Variants in KCNH8 observed in about 807,000 individuals in gnomAD.
KCNH8 encodes the protein voltage-gated delayed rectifier potassium channel KCNH8.
A neutral mutation model predicts 103.6 loss-of-function variants in KCNH8; 70 were observed. The observed-to-expected ratio is 0.68, with a 90% CI of 0.56 to 0.82. KCNH8 has a LOEUF of 0.82. Among genes scored for constraint, KCNH8 ranks in the 40% least tolerant of loss-of-function variants. The pLI is 0.00. For missense variants in KCNH8, 1,217 were observed against 1,329.9 expected (o/e 0.92, Z 1.32); for synonymous variants, 498 against 489.4 (o/e 1.02, Z -0.23).
At chr3:19,411,524 C>T (rs1198975831) in intron 7 of KCNH8, among the ~76,000 whole-genome samples, 4 of 151,764 alleles carry the variant, frequency 2.6e-5, no homozygotes, top group Non-Finnish European at 5.9e-5. Flanking sequence ...AGCAATCAGT[C>T]GAGAGAAAGA....
rs1246863745 is a variant in KCNH8 at position 19,253,849 on chromosome 3, CAG to C, written c.274_275del (p.Glu92IlefsTer27). On this transcript the variant is annotated frameshift_variant, in exon 2 of 16. Coordinates refer to ENST00000328405, the MANE Select transcript of KCNH8 (RefSeq NM_144633.3). LOFTEE classifies it high-confidence loss of function. ...ATAGAAAAGTCACTGGAGGAGAAAA[CAG>C]AATTCAAAGGAGAAATTATGTTCTA... 1 of 1,613,456 alleles carries C rather than the reference CAG, an allele frequency of 6.2e-7. No homozygotes were observed. Among genetic ancestry groups the C allele is most frequent in the Non-Finnish European group, 8.5e-7 (1 of 1,179,718 alleles).
chr3:19,323,511 G>A (rs536357034), intron 3 of KCNH8, among the ~76,000 whole-genome samples: 1 of 152,288 alleles, frequency 6.6e-6, no homozygotes, highest in East Asian at 1.9e-4. Context: ...TGGCAATTCA[G>A]AGGTTTTGTC....
intron 7 of KCNH8, among the ~76,000 whole-genome samples, chr3:19,402,951 T>C (rs1241401438): frequency 6.6e-6 from 1 of 151,916 alleles, no homozygotes; most frequent in Non-Finnish European, 1.5e-5. Context: ...AATAAAGTTA[T>C]AGGAAACCAA....
intron 1 of KCNH8, among the ~76,000 whole-genome samples, chr3:19,157,144 G>T (rs1249349093): frequency 6.6e-6 from 1 of 151,984 alleles, no homozygotes; most frequent in African/African-American, 2.4e-5. Context: ...CTGGAAAAAA[G>T]GATCCACATA....
chr3:19,449,788 C>G (rs892269868), intron 8 of KCNH8, among the ~76,000 whole-genome samples: 19 of 151,924 alleles, frequency 1.3e-4, no homozygotes, highest in Admixed American at 1.2e-3. Context: ...AAATTGAGTT[C>G]AAATAAAAGT....
chr3:19,170,623 T>C lies in KCNH8; in HGVS notation c.76+21828T>C, dbSNP rs577522607. 7.3e-3 allele frequency among the ~76,000 whole-genome samples: 1,012 copies of C among 139,280 alleles called. 15 individuals are homozygous for C. The highest frequency in any genetic ancestry group is 0.026 in the African/African-American group (875 of 34,182). 91.4% of individuals were successfully genotyped at this position (139,280 alleles called of 152,430 possible). A position where few individuals can be genotyped will look rare whatever the true frequency, so the allele number is the denominator to read the frequency against. On this transcript the variant is annotated intron_variant, in intron 1 of 15. Transcript: ENST00000328405. ...ATATATATATATGTATACACACACATATATATATACACACATATATATACA... is the reference window on the plus strand; with the variant it reads ...ATATATATATATGTATACACACACACATATATATACACACATATATATACA...
chr3:19,236,772 A>AC (rs1430392099), intron 1 of KCNH8, among the ~76,000 whole-genome samples: 1 of 152,224 alleles, frequency 6.6e-6, no homozygotes, highest in Non-Finnish European at 1.5e-5. Context: ...GGAAAAAAAA[A>AC]GCCAAAGGAG....
intron 1 of KCNH8, among the ~76,000 whole-genome samples, chr3:19,221,707 T>A (rs2063876394): frequency 6.6e-6 from 1 of 152,200 alleles, no homozygotes; most frequent in African/African-American, 2.4e-5. Context: ...TATGAAAATG[T>A]CATATAAAGT....
intron 7 of KCNH8, among the ~76,000 whole-genome samples, chr3:19,412,882 G>T (rs1447182853): frequency 1.3e-5 from 2 of 151,936 alleles, no homozygotes; most frequent in African/African-American, 2.4e-5. Flanking sequence ...AATAGGTGTT[G>T]GTGAGGCTGT....
At chr3:19,310,880 G>C (rs1226901543) in intron 3 of KCNH8, among the ~76,000 whole-genome samples, 1 of 151,808 alleles carries the variant, frequency 6.6e-6, no homozygotes, top group East Asian at 1.9e-4. Flanking sequence ...CACAGCCTGG[G>C]AGAATTATCC....
chr3:19,209,505 T>A (rs1189040986), intron 1 of KCNH8, among the ~76,000 whole-genome samples: 1 of 152,070 alleles, frequency 6.6e-6, no homozygotes, highest in East Asian at 1.9e-4. Flanking sequence ...TCTTTGGGAT[T>A]TTCGTAGGGT....
intron 15 of KCNH8, among the ~76,000 whole-genome samples, chr3:19,523,648 C>A (rs1012554476): frequency 4.6e-5 from 7 of 151,914 alleles, no homozygotes; most frequent in African/African-American, 1.7e-4. Flanking sequence ...TCATTTCTGT[C>A]GGTATTTTAT....
intron 2 of KCNH8, among the ~76,000 whole-genome samples, chr3:19,263,218 T>A (rs538122313): frequency 6.6e-6 from 1 of 152,180 alleles, no homozygotes; most frequent in East Asian, 1.9e-4. Context: ...TTCCTGAATA[T>A]GAGACCTTGT....
At chr3:19,519,493 C>G (rs1365759930) in intron 15 of KCNH8, among the ~76,000 whole-genome samples, 1 of 150,862 alleles carries the variant, frequency 6.6e-6, no homozygotes, top group Non-Finnish European at 1.5e-5. Flanking sequence ...TGCACCTGCC[C>G]TCTCTGGAGC....
chr3:19,204,016 C>T (rs1046856927), intron 1 of KCNH8, among the ~76,000 whole-genome samples: 2 of 151,860 alleles, frequency 1.3e-5, no homozygotes, highest in Non-Finnish European at 2.9e-5. Flanking sequence ...CATTTTATTG[C>T]TTCACCAATA....
At chr3:19,255,276 C>T (rs2064332425) in intron 2 of KCNH8, among the ~76,000 whole-genome samples, 1 of 152,136 alleles carries the variant, frequency 6.6e-6, no homozygotes, top group South Asian at 2.1e-4. Context: ...ATCGTTTAAG[C>T]TACCTAGTCC....
intron 2 of KCNH8, among the ~76,000 whole-genome samples, chr3:19,273,520 T>G (rs551758867): frequency 7.2e-5 from 11 of 152,270 alleles, no homozygotes; most frequent in African/African-American, 2.6e-4. Flanking sequence ...CTATTTTCAG[T>G]CTTAGCAGAT....
chr3:19,367,982 A>G (rs1330629121), intron 5 of KCNH8, among the ~76,000 whole-genome samples: 1 of 152,066 alleles, frequency 6.6e-6, no homozygotes, highest in Admixed American at 6.6e-5. Context: ...CCTTTCCTGG[A>G]TAACAACCCT....
intron 2 of KCNH8, among the ~76,000 whole-genome samples, chr3:19,260,062 A>G (rs181861640): frequency 2.6e-5 from 4 of 151,732 alleles, no homozygotes; most frequent in Admixed American, 2.6e-4. Context: ...AAGGGGAGAG[A>G]GCAAAGGAAA....
Sources: gnomAD v4.1 joint callset for allele counts (sites outside exome capture counted in the v4.1 genomes callset) on GRCh38, gnomAD v4.1.1 for gene constraint, MANE v1.5 for transcripts, NCBI Gene and HGNC (gene_info 2026-07-23, HGNC 2026-07-21) for gene names.